ZFAND3: variants seen among roughly 807,000 people sequenced by gnomAD.
The protein encoded by ZFAND3 is AN1-type zinc finger protein 3.
Under a neutral mutation model 29.6 loss-of-function variants are expected in ZFAND3, and 10 were observed. That is an observed-to-expected ratio of 0.34 (90% confidence interval 0.21 to 0.57). ZFAND3 has a LOEUF of 0.57. Among genes scored for constraint, ZFAND3 ranks in the 20% least tolerant of loss-of-function variants. ZFAND3 has a pLI of 0.86. For missense variants in ZFAND3, 230 were observed against 304.5 expected (o/e 0.76, Z 1.82); for synonymous variants, 128 against 112.6 (o/e 1.14, Z -0.87).
Position 38,152,988 on chromosome 6 carries a change from T to G in ZFAND3, c.*599T>G. The G allele has an allele frequency of 5.1e-6, 5 of 985,838 alleles. No individual in the cohort carries two copies. Among genetic ancestry groups the G allele is most frequent in the Non-Finnish European group, 6.0e-6 (5 of 829,952 alleles). The allele number at this position is 985,838 out of a possible 1,614,324, so 61.1% of individuals were successfully genotyped here. ...GGGACAGATTCTTACGGAAATTTTT[T>G]TACCTGACTTGCTATGAAAAAACTC... On this transcript the variant is annotated 3_prime_UTR_variant, in exon 6 of 6. Transcript: ENST00000287218.
At chr6:37,847,566 C>G (rs1182667930) in intron 1 of ZFAND3, among the ~76,000 whole-genome samples, 3 of 152,092 alleles carry the variant, frequency 2.0e-5, no homozygotes, top group Non-Finnish European at 2.9e-5. Flanking sequence ...GAGTGAGACT[C>G]TGCAGAATAT....
At chr6:37,983,343 CTTTTTTTTTTTTT>C (rs70981516) in intron 2 of ZFAND3, among the ~76,000 whole-genome samples, 22 of 50,050 alleles carry the variant, frequency 4.4e-4, no homozygotes, top group East Asian at 7.5e-4. Context: ...CAGTTTTTAT[CTTTTTTTTTTTTT>C]TTTTTTTTTT....
At chr6:37,925,893 A>C (rs1314814218) in intron 1 of ZFAND3, among the ~76,000 whole-genome samples, 1 of 152,208 alleles carries the variant, frequency 6.6e-6, no homozygotes, top group Non-Finnish European at 1.5e-5. Context: ...AGTTTGGAGC[A>C]AGGTAAAGAG....
At chr6:37,840,248 C>T (rs760087230) in intron 1 of ZFAND3, among the ~76,000 whole-genome samples, 3 of 152,166 alleles carry the variant, frequency 2.0e-5, no homozygotes, top group Non-Finnish European at 2.9e-5. Flanking sequence ...CAGGGACCCA[C>T]CACCTTGCCT....
chr6:38,010,599 CT>C (rs759693005), intron 2 of ZFAND3, among the ~76,000 whole-genome samples: 379 of 139,274 alleles, frequency 2.7e-3, no homozygotes, highest in Middle Eastern at 3.7e-3. Flanking sequence ...CGCCCCCAAC[CT>C]TTTTTTTTTT....
intron 2 of ZFAND3, among the ~76,000 whole-genome samples, chr6:37,988,506 C>T (rs1762707371): frequency 6.6e-6 from 1 of 152,164 alleles, no homozygotes; most frequent in Non-Finnish European, 1.5e-5. Flanking sequence ...TATTTTCCCC[C>T]ATGTAGTTCA....
chr6:37,877,933 A>G (rs1764823427), intron 1 of ZFAND3, among the ~76,000 whole-genome samples: 2 of 152,214 alleles, frequency 1.3e-5, no homozygotes, highest in South Asian at 4.1e-4. Context: ...TACACAATGC[A>G]AAAAGATCAA....
At chr6:37,829,994 T>G (rs1407635525) in intron 1 of ZFAND3, among the ~76,000 whole-genome samples, 5 of 152,222 alleles carry the variant, frequency 3.3e-5, no homozygotes, top group Non-Finnish European at 5.9e-5. Flanking sequence ...TTTCTTACCC[T>G]TGGTTTTAAA....
chr6:37,849,917 A>G (rs1764252135), intron 1 of ZFAND3, among the ~76,000 whole-genome samples: 1 of 152,140 alleles, frequency 6.6e-6, no homozygotes, highest in South Asian at 2.1e-4. Flanking sequence ...TTTCACCTAA[A>G]TGTGATTGCT....
intron 1 of ZFAND3, among the ~76,000 whole-genome samples, chr6:37,876,864 A>C (rs1048851936): frequency 3.9e-5 from 6 of 152,152 alleles, no homozygotes; most frequent in Non-Finnish European, 8.8e-5. Context: ...TACCTTGGCT[A>C]ATTGAGGTTA....
chr6:38,047,445 A>G (rs565444150), intron 2 of ZFAND3, among the ~76,000 whole-genome samples: 1 of 152,168 alleles, frequency 6.6e-6, no homozygotes, highest in African/African-American at 2.4e-5. Context: ...GAGAGGGAAA[A>G]TGTGCCTATA....
At chr6:37,987,446 A>G (rs1287058462) in intron 2 of ZFAND3, among the ~76,000 whole-genome samples, 2 of 152,190 alleles carry the variant, frequency 1.3e-5, no homozygotes, top group African/African-American at 4.8e-5. Context: ...TAGACCCTGG[A>G]GTGAATTATT....
chr6:38,061,807 A>G (rs757348287), intron 3 of ZFAND3, 32 bp downstream of exon 3: 2 of 1,609,014 alleles, frequency 1.2e-6, no homozygotes, highest in Non-Finnish European at 1.7e-6. Flanking sequence ...GGTGGTAGAG[A>G]GAGCAGCTTA....
At chr6:37,888,221 T>C (rs1765030642) in intron 1 of ZFAND3, among the ~76,000 whole-genome samples, 1 of 152,158 alleles carries the variant, frequency 6.6e-6, no homozygotes, top group Admixed American at 6.5e-5. Flanking sequence ...AAAATAAATT[T>C]TAATGTATGA....
chr6:37,946,756 A>G (rs1319652004), intron 2 of ZFAND3, among the ~76,000 whole-genome samples: 1 of 152,202 alleles, frequency 6.6e-6, no homozygotes, highest in African/African-American at 2.4e-5. Context: ...TGACAACATT[A>G]TGCTAAGTGA....
chr6:37,968,342 A>G (rs1385924928), intron 2 of ZFAND3, among the ~76,000 whole-genome samples: 4 of 151,426 alleles, frequency 2.6e-5, no homozygotes, highest in Non-Finnish European at 5.9e-5. Flanking sequence ...CATTGATAGG[A>G]TATTATGCAT....
chr6:37,854,008 A>G (rs34611895), intron 1 of ZFAND3, among the ~76,000 whole-genome samples: 19,870 of 151,874 alleles, frequency 0.13, 2,133 homozygotes, highest in African/African-American at 0.3. Flanking sequence ...CTGGAGTGCA[A>G]TGGTGCTATC....
intron 5 of ZFAND3, among the ~76,000 whole-genome samples, chr6:38,150,077 A>G (rs916935808): frequency 6.6e-6 from 1 of 152,180 alleles, no homozygotes; most frequent in African/African-American, 2.4e-5. Context: ...CAAAAAGATG[A>G]ATTTACTTGT....
intron 1 of ZFAND3, among the ~76,000 whole-genome samples, chr6:37,857,430 CTG>C (rs1184924264): frequency 1.3e-5 from 2 of 151,682 alleles, no homozygotes; most frequent in Admixed American, 1.3e-4. Flanking sequence ...ACCAGGCAAA[CTG>C]TGTGGGAATA....
Sources: gnomAD v4.1 joint callset for allele counts (sites outside exome capture counted in the v4.1 genomes callset) on GRCh38, gnomAD v4.1.1 for gene constraint, MANE v1.5 for transcripts, NCBI Gene and HGNC (gene_info 2026-07-23, HGNC 2026-07-21) for gene names.